The following RBFOX3 variants were observed in gnomAD, a reference collection of about 807,000 sequenced individuals.
RBFOX3 encodes the protein RNA binding fox-1 homolog 3.
Under a neutral mutation model 48.7 loss-of-function variants are expected in RBFOX3, and 17 were observed. The ratio of observed to expected loss-of-function variants is 0.35; its 90% CI spans 0.24 to 0.52. RBFOX3 has a LOEUF of 0.52. Ranked by LOEUF, RBFOX3 falls within the 20% of genes least tolerant of loss-of-function variation. The probability of loss-of-function intolerance (pLI) is 0.94; values close to 1 mark genes in which losing one functional copy is unlikely to be tolerated. For synonymous variants in RBFOX3, 212 were observed against 209.5 expected, an observed-to-expected ratio of 1.01 and a Z score of -0.10; for missense variants, 382 against 497.5, an observed-to-expected ratio of 0.77 and a Z score of 2.21.
intron 2 of RBFOX3, among the ~76,000 whole-genome samples, chr17:79,470,148 C>A (rs984823115): frequency 2.0e-5 from 3 of 152,124 alleles, no homozygotes; most frequent in African/African-American, 7.2e-5. Context: ...CCGATCCAGA[C>A]CCAAAAGGGC....
rs1555756861 is a variant in RBFOX3 at position 79,471,397 on chromosome 17, T to G, written c.-175+11057A>C. Among the ~76,000 whole-genome samples, 1 of 152,190 alleles carries G rather than the reference T, an allele frequency of 6.6e-6. No individual in the cohort carries two copies. The highest frequency in any genetic ancestry group is 2.4e-5 in the African/African-American group (1 of 41,448). Reference sequence around the variant, plus strand: ...ATCATGATGACCTTGCCTTGGGAACTTTTGGAGCAACAGAATGGTTTAGAA... The same window carrying G: ...ATCATGATGACCTTGCCTTGGGAACGTTTGGAGCAACAGAATGGTTTAGAA... On this transcript the variant is annotated intron_variant, in intron 2 of 14. Coordinates refer to ENST00000693108, the MANE Select transcript of RBFOX3 (RefSeq NM_001350451.2). This position sits in a 1 kb window ranked among gnomAD's most constrained non-coding sequence, Gnocchi z 4.0.
rs181390187 is a variant in RBFOX3 at position 79,303,666 on chromosome 17, C to T, written c.-74+4058G>A. Among the ~76,000 whole-genome samples the T allele has an allele frequency of 3.0e-3, 458 of 152,130 alleles. 2 individuals carry two copies. The highest frequency in any genetic ancestry group is 4.3e-3 in the Non-Finnish European group (290 of 67,986). On this transcript the variant is annotated intron_variant, in intron 3 of 14. Coordinates refer to ENST00000693108, the MANE Select transcript of RBFOX3 (RefSeq NM_001350451.2). ...TAGAGAGAAATGATAGTTTACTCCC[C>T]GAGAATGGTTGCTAGGGGCAGACCA...
At chr17:79,590,630 GA>G (rs2093388838) in intron 1 of RBFOX3, among the ~76,000 whole-genome samples, 1 of 152,184 alleles carries the variant, frequency 6.6e-6, no homozygotes, top group South Asian at 2.1e-4. Flanking sequence ...GCTCCTCCAG[GA>G]AAGGAGGCGG....
chr17:79,271,267 T>G (rs1975868), intron 3 of RBFOX3, among the ~76,000 whole-genome samples: 94,445 of 151,474 alleles, frequency 0.62, 29,818 homozygotes, highest in East Asian at 0.8. Context: ...GTAGAGACAG[T>G]GTTTCACCAT....
At chr17:79,497,563 C>G (rs2081734879) in intron 1 of RBFOX3, among the ~76,000 whole-genome samples, 1 of 152,238 alleles carries the variant, frequency 6.6e-6, no homozygotes, top group South Asian at 2.1e-4. Flanking sequence ...CCACCGGTGT[C>G]CACACAAAGC....
intron 14 of RBFOX3, chr17:79,094,223 C>T (rs1176316166): frequency 4.4e-6 from 2 of 451,638 alleles, no homozygotes; most frequent in Non-Finnish European, 7.8e-6. Flanking sequence ...TCCAGAGGAC[C>T]AGATGGTACG....
chr17:79,486,982 G>A (rs1416378797), intron 1 of RBFOX3, among the ~76,000 whole-genome samples: 1 of 152,222 alleles, frequency 6.6e-6, no homozygotes, highest in Non-Finnish European at 1.5e-5. Context: ...GGAAAGAGAA[G>A]ATAGAAAAAC....
rs755139862 is a variant in RBFOX3, at chr17:79,299,585, A to C, written c.-74+8139T>G. 6.6e-6 allele frequency among the ~76,000 whole-genome samples: 1 copy of C among 152,150 alleles called. No homozygotes were observed. The highest frequency in any genetic ancestry group is 1.5e-5 in the Non-Finnish European group (1 of 68,034). On this transcript the variant is annotated intron_variant, in intron 3 of 14. Coordinates refer to ENST00000693108, the MANE Select transcript of RBFOX3 (RefSeq NM_001350451.2). This position sits in a 1 kb window ranked among gnomAD's most constrained non-coding sequence, Gnocchi z 4.5. Reference sequence around the variant, plus strand: ...ACATGCAGAGGCTGCGCCATTTCCTACCAGGGGTTTGAGCATCGTCAGATC... The same window carrying C: ...ACATGCAGAGGCTGCGCCATTTCCTCCCAGGGGTTTGAGCATCGTCAGATC...
At chr17:79,628,099 T>C in the RBFOX3 span, among the ~76,000 whole-genome samples, 26 of 152,118 alleles carry the variant, frequency 1.7e-4, no homozygotes, top group African/African-American at 5.5e-4. Flanking sequence ...ATTTAAAAGC[T>C]CCTACAGGCT....
chr17:79,563,414 A>G (rs1478960810), intron 1 of RBFOX3, among the ~76,000 whole-genome samples: 3 of 152,212 alleles, frequency 2.0e-5, no homozygotes, highest in Non-Finnish European at 4.4e-5. Flanking sequence ...CACTGCCCTC[A>G]GCAGCCCCTT....
chr17:79,101,711 T>C, intron 8 of RBFOX3, 67 bp from the exon 9 acceptor site: 1 of 1,386,112 alleles, frequency 7.2e-7, no homozygotes, highest in Non-Finnish European at 1.0e-6. Context: ...CACTGGCCAC[T>C]CCTCCCCGCC....
chr17:79,474,092 C>G (rs1461792554), intron 2 of RBFOX3, among the ~76,000 whole-genome samples: 1 of 151,968 alleles, frequency 6.6e-6, no homozygotes, highest in Non-Finnish European at 1.5e-5. Flanking sequence ...ACCGGCAACC[C>G]CCTCTGAGGA....
intron 3 of RBFOX3, among the ~76,000 whole-genome samples, chr17:79,279,474 G>A (rs1032953626): frequency 6.6e-6 from 1 of 152,202 alleles, no homozygotes; most frequent in Admixed American, 6.5e-5. Context: ...AGCATGGCCC[G>A]GCCCGGCACG....
Position 79,554,462 on chromosome 17 carries a change from CT to C in RBFOX3, c.-320+56363del, listed in dbSNP as rs879051458. On this transcript the variant is annotated intron_variant, in intron 1 of 14. Coordinates refer to ENST00000693108, the MANE Select transcript of RBFOX3 (RefSeq NM_001350451.2). ...TCTCCATCTTCACTCACAGTCACCCCTCACCTGGCCCTCTCCATCTTCACTC... is the reference window on the plus strand; with the variant it reads ...TCTCCATCTTCACTCACAGTCACCCCCACCTGGCCCTCTCCATCTTCACTC... Among the ~76,000 whole-genome samples the C allele has an allele frequency of 2.6e-4, 35 of 134,898 alleles. 4 individuals carry two copies. Among genetic ancestry groups the C allele is most frequent in the African/African-American group, 9.7e-4 (35 of 36,222 alleles). The allele number at this position is 134,898 out of a possible 152,430, so 88.5% of individuals were successfully genotyped here. A position where few individuals can be genotyped will look rare whatever the true frequency, so the allele number is the denominator to read the frequency against.
rs188014461 is a variant in RBFOX3 at position 79,251,144 on chromosome 17, C to A, written c.-73-15339G>T. 2.2e-4 allele frequency among the ~76,000 whole-genome samples: 34 copies of A among 152,208 alleles called. No individual in the cohort carries two copies. The East Asian group carries it at 6.6e-3, about 29-fold the overall frequency. ...GTGAGCTCAGCCTCCTCAGCAGCTC[C>A]CCTTCTCCCTTGTCCCCTTCTGGTC... On this transcript the variant is annotated intron_variant, in intron 3 of 14. Transcript: ENST00000693108.
intron 2 of RBFOX3, among the ~76,000 whole-genome samples, chr17:79,400,853 C>T (rs2062710282): frequency 6.6e-6 from 1 of 152,168 alleles, no homozygotes; most frequent in African/African-American, 2.4e-5. Context: ...ACCGAAGTCC[C>T]CACACTCTCC....
chr17:79,202,495 G>A (rs759689366), intron 4 of RBFOX3, among the ~76,000 whole-genome samples: 8 of 152,174 alleles, frequency 5.3e-5, no homozygotes, highest in Non-Finnish European at 8.8e-5. Context: ...TACAGCTTAC[G>A]AAAATTTCAC....
At position 79,391,978 on chromosome 17, in the gene RBFOX3, T is replaced by C. The variant is rs2063575636; in HGVS notation, c.-174-84154A>G. Among the ~76,000 whole-genome samples the C allele has an allele frequency of 6.6e-6, 1 of 152,174 alleles. No homozygotes were observed. On this transcript the variant is annotated intron_variant, in intron 2 of 14. Transcript: ENST00000693108. The surrounding 1 kb of genome is among the most constrained non-coding windows in gnomAD (Gnocchi z 5.0). Reference sequence around the variant, plus strand: ...GCTCCCCCTGGTGGAAGGAAACTTGTATGGCAACGCTCCCGCCAGGGCCCC... The same window carrying C: ...GCTCCCCCTGGTGGAAGGAAACTTGCATGGCAACGCTCCCGCCAGGGCCCC...
At chr17:79,583,347 G>C (rs908818128) in intron 1 of RBFOX3, among the ~76,000 whole-genome samples, 2 of 152,180 alleles carry the variant, frequency 1.3e-5, no homozygotes, top group African/African-American at 2.4e-5. Context: ...TGAGCGCCAC[G>C]GCAGGTCCTG....
Sources: gnomAD v4.1 joint callset for allele counts (sites outside exome capture counted in the v4.1 genomes callset) on GRCh38, gnomAD v4.1.1 for gene constraint, Gnocchi (gnomAD v3.1) non-coding constraint, MANE v1.5 for transcripts, NCBI Gene and HGNC (gene_info 2026-07-23, HGNC 2026-07-21) for gene names.